DTNA: variants seen among roughly 807,000 people sequenced by gnomAD.
The protein encoded by DTNA is dystrophin-related protein 3.
In DTNA, 43 loss-of-function variants were observed where a neutral mutation model predicts 100.7. The observed-to-expected ratio is 0.43, with a 90% CI of 0.33 to 0.55. The LOEUF (loss-of-function observed/expected upper bound fraction) is 0.55. Among genes scored for constraint, DTNA ranks in the 20% least tolerant of loss-of-function variants. The pLI, the probability that DTNA is intolerant of heterozygous loss-of-function variation, is 0.04. For synonymous variants in DTNA, 349 were observed against 347.9 expected (o/e 1.00, Z -0.04); for missense variants, 798 against 953.9 (o/e 0.84, Z 2.15).
chr18:34,721,941 G>A (rs559380824), intron 1 of DTNA, among the ~76,000 whole-genome samples: 8 of 152,120 alleles, frequency 5.3e-5, no homozygotes, highest in Non-Finnish European at 7.4e-5. Flanking sequence ...AAAAGAAGTC[G>A]GGGCATATGA....
intron 1 of DTNA, among the ~76,000 whole-genome samples, chr18:34,685,682 A>G (rs559626568): frequency 1.3e-5 from 2 of 152,236 alleles, no homozygotes; most frequent in East Asian, 3.9e-4. Context: ...AAGAAAATCA[A>G]TGGTAGCTTG....
intron 12 of DTNA, 107 bp from the exon 13 acceptor site, chr18:34,838,638 T>C (rs2096204576): frequency 2.2e-6 from 2 of 894,982 alleles, no homozygotes; most frequent in Admixed American, 1.7e-5. Context: ...CTTTACCTGC[T>C]TGGTTTTCTA....
At chr18:34,817,672 C>T (rs2095626077) in intron 7 of DTNA, among the ~76,000 whole-genome samples, 1 of 152,168 alleles carries the variant, frequency 6.6e-6, no homozygotes, top group South Asian at 2.1e-4. Context: ...TTAATTATCT[C>T]ATCCACACCA....
In DTNA at chr18:34,755,697, A is replaced by G. The variant is rs6650657; in HGVS notation, c.-1-279A>G. ...CACCTAACAGATGGTAGATTGTTGT[A>G]TTTAGTTATAGCACAAGGTCATTTG... is the stretch of plus-strand genomic sequence containing the variant. On this transcript the variant is annotated intron_variant, in intron 1 of 22. Transcript: ENST00000444659. 1,849 of 388,908 alleles carry G rather than the reference A, an allele frequency of 4.8e-3. 23 individuals carry two copies. Among genetic ancestry groups the G allele is most frequent in the African/African-American group, 0.035 (1,717 of 48,704 alleles). The allele number at this position is 388,908 out of a possible 1,614,324, so 24.1% of individuals were successfully genotyped here.
intron 1 of DTNA, among the ~76,000 whole-genome samples, chr18:34,685,535 A>G (rs1316950165): frequency 2.0e-5 from 3 of 152,212 alleles, no homozygotes; most frequent in Non-Finnish European, 4.4e-5. Flanking sequence ...TGTCTTGGTT[A>G]CTGTAGCCTT....
chr18:34,813,158 C>T (rs118190788), intron 6 of DTNA, among the ~76,000 whole-genome samples: 1,551 of 152,210 alleles, frequency 0.01, 12 homozygotes, highest in Non-Finnish European at 0.016. Context: ...TTTTGAGAAT[C>T]CAAACTAACT....
chr18:34,631,771 A>G (rs1409334091), intron 1 of DTNA, among the ~76,000 whole-genome samples: 1 of 152,162 alleles, frequency 6.6e-6, no homozygotes, highest in Non-Finnish European at 1.5e-5. Context: ...TTACACTCCT[A>G]CCCTGAACTG....
intron 1 of DTNA, among the ~76,000 whole-genome samples, chr18:34,547,272 ATACTTTTTAAAATTAT>A (rs1245844342): frequency 0.014 from 2,204 of 152,210 alleles, 55 homozygotes; most frequent in African/African-American, 0.049. Flanking sequence ...TATTATAATG[ATACTTTTTAAAATTAT>A]TAAATTTCTA....
chr18:34,697,647 G>A (rs1401474980), intron 1 of DTNA, among the ~76,000 whole-genome samples: 1 of 152,150 alleles, frequency 6.6e-6, no homozygotes, highest in Non-Finnish European at 1.5e-5. Context: ...GTGCAGAAAA[G>A]GCCTAATTGT....
chr18:34,778,964 C>A (rs1196497836), intron 3 of DTNA, among the ~76,000 whole-genome samples: 1 of 151,684 alleles, frequency 6.6e-6, no homozygotes, highest in African/African-American at 2.4e-5. Context: ...ACTACAGGCG[C>A]CCGCCACCAT....
intron 1 of DTNA, among the ~76,000 whole-genome samples, chr18:34,718,427 A>G (rs2084531160): frequency 6.6e-6 from 1 of 152,224 alleles, no homozygotes; most frequent in South Asian, 2.1e-4. Flanking sequence ...TCAAAAAAGC[A>G]ATCGTCTGTT....
At position 34,882,168 on chromosome 18, in the gene DTNA, C is replaced by T. The variant is rs773522575; in HGVS notation, c.2262C>T (p.Tyr754=). The change falls in exon 21 of 23, where the codon TAC becomes TAT. Residue 754 remains tyrosine (Y), a synonymous_variant. Transcript: ENST00000444659. The stretch of plus-strand genomic sequence containing the variant: ...AGAATGAGCTCCAGATGGAGGAATA[C>T]CTGAAACAGAAGCTGCAAGATGAAG... The part of the protein sequence containing the change: ...QLENELQMEE[Y]LKQKLQDEAY... 5 of 1,613,834 alleles carry T rather than the reference C, an allele frequency of 3.1e-6. No homozygotes were observed. The Admixed American group carries it at 8.3e-5, about 27-fold the overall frequency.
At chr18:34,649,192 T>C (rs1462318789) in intron 1 of DTNA, among the ~76,000 whole-genome samples, 1 of 152,228 alleles carries the variant, frequency 6.6e-6, no homozygotes. Context: ...CTTATCTCTG[T>C]CTGTATTTAT....
At chr18:34,578,984 C>T (rs1015947383) in intron 1 of DTNA, among the ~76,000 whole-genome samples, 1 of 151,972 alleles carries the variant, frequency 6.6e-6, no homozygotes, top group African/African-American at 2.4e-5. Flanking sequence ...TGTTTGCTTT[C>T]CTTTGAGCTA....
At chr18:34,672,742 T>G (rs536365626) in intron 1 of DTNA, among the ~76,000 whole-genome samples, 2 of 152,264 alleles carry the variant, frequency 1.3e-5, no homozygotes, top group Admixed American at 1.3e-4. Flanking sequence ...GTTTCAAATA[T>G]TAAAACAAAA....
chr18:34,519,377 A>G (rs866739522), intron 1 of DTNA, among the ~76,000 whole-genome samples: 58 of 152,170 alleles, frequency 3.8e-4, no homozygotes, highest in African/African-American at 1.3e-3. Context: ...GGATTAATGT[A>G]GAGGTTGTGA....
At chr18:34,717,897 T>G (rs1708828488) in intron 1 of DTNA, among the ~76,000 whole-genome samples, 1 of 152,132 alleles carries the variant, frequency 6.6e-6, no homozygotes, top group South Asian at 2.1e-4. Context: ...GAAAATAGAC[T>G]AGTGTGTAGA....
chr18:34,552,346 G>A (rs923532752), intron 1 of DTNA, among the ~76,000 whole-genome samples: 27 of 151,470 alleles, frequency 1.8e-4, no homozygotes, highest in African/African-American at 6.3e-4. Flanking sequence ...GGGCCCAGTT[G>A]CTAGTTTTGG....
intron 1 of DTNA, among the ~76,000 whole-genome samples, chr18:34,555,807 AT>A (rs2045969640): frequency 6.6e-6 from 1 of 152,100 alleles, no homozygotes; most frequent in African/African-American, 2.4e-5. Context: ...TATGTGGTCA[AT>A]TTTGGAATAG....
Sources: allele counts gnomAD v4.1 joint callset (sites outside exome capture counted in the v4.1 genomes callset), GRCh38; gene constraint gnomAD v4.1.1; transcripts MANE v1.5; gene names NCBI Gene and HGNC (gene_info 2026-07-23, HGNC 2026-07-21).